Variants in PTPRD observed in about 807,000 individuals in gnomAD.
The protein encoded by PTPRD is protein tyrosine phosphatase receptor type D, also known as receptor-type tyrosine-protein phosphatase delta.
In PTPRD, 34 loss-of-function variants were observed where a neutral mutation model predicts 214.5. The observed-to-expected ratio is 0.16, with a 90% confidence interval of 0.12 to 0.21. PTPRD has a LOEUF of 0.21. PTPRD is among the 10% of genes least tolerant of loss of function. The pLI, the probability that PTPRD is intolerant of heterozygous loss-of-function variation, is 1.00. For missense variants in PTPRD, 2,545 were observed against 2,398.7 expected (o/e 1.06, Z -1.27); for synonymous variants, 1,128 against 845.7 (o/e 1.33, Z -5.79).
chr9:9,436,101 A>C (rs761189053), intron 8 of PTPRD, among the ~76,000 whole-genome samples: 2 of 152,144 alleles, frequency 1.3e-5, no homozygotes, highest in African/African-American at 4.8e-5. Flanking sequence ...CAAGGGAATA[A>C]ATATTCTGTA....
chr9:8,735,949 A>G (rs540121735), intron 11 of PTPRD, among the ~76,000 whole-genome samples: 1 of 152,232 alleles, frequency 6.6e-6, no homozygotes, highest in South Asian at 2.1e-4. Context: ...ACTTTAAAAA[A>G]AAATAGGTCA....
chr9:8,939,165 A>G (rs898022413), intron 11 of PTPRD, among the ~76,000 whole-genome samples: 1 of 152,142 alleles, frequency 6.6e-6, no homozygotes, highest in African/African-American at 2.4e-5. Context: ...CATGCTGATA[A>G]TTTAAGTCTA....
At chr9:9,483,000 C>G (rs567045003) in intron 8 of PTPRD, among the ~76,000 whole-genome samples, 1 of 152,114 alleles carries the variant, frequency 6.6e-6, no homozygotes. Context: ...GATTTTTCTT[C>G]TCCATCTTAA....
intron 9 of PTPRD, among the ~76,000 whole-genome samples, chr9:9,192,180 T>C (rs1321546674): frequency 2.0e-5 from 3 of 152,058 alleles, no homozygotes; most frequent in Non-Finnish European, 2.9e-5. Context: ...ACAGTGTCTG[T>C]TCAGTAAATC....
intron 5 of PTPRD, among the ~76,000 whole-genome samples, chr9:9,772,126 T>C (rs1345873958): frequency 2.0e-5 from 3 of 152,064 alleles, no homozygotes; most frequent in African/African-American, 7.2e-5. Flanking sequence ...ATGCCATTAG[T>C]TTGAGCCCTA....
chr9:8,840,407 C>T (rs900656365), intron 11 of PTPRD, among the ~76,000 whole-genome samples: 2 of 152,218 alleles, frequency 1.3e-5, no homozygotes, highest in African/African-American at 2.4e-5. Context: ...CTTGCTCCTC[C>T]TTGCCTTCTG....
At chr9:9,690,363 C>T (rs1449281590) in intron 7 of PTPRD, among the ~76,000 whole-genome samples, 1 of 151,724 alleles carries the variant, frequency 6.6e-6, no homozygotes, top group Non-Finnish European at 1.5e-5. Context: ...TGTCTGAAGT[C>T]CTTATATTCT....
At chr9:8,993,207 C>T (rs1469509447) in intron 11 of PTPRD, among the ~76,000 whole-genome samples, 2 of 152,136 alleles carry the variant, frequency 1.3e-5, no homozygotes, top group African/African-American at 4.8e-5. Flanking sequence ...GAACCTGGCT[C>T]TAAGGTTAGA....
rs188831838 is a variant in PTPRD, at chr9:10,108,078, T to A, written c.-544-74288A>T. ...TTAGGATGGATGTTGTGGGAATAAG[T>A]GACATCTGTGGGTGTCCAATCAACC... On this transcript the variant is annotated intron_variant, in intron 3 of 45. Coordinates refer to ENST00000381196, the MANE Select transcript of PTPRD (RefSeq NM_002839.4). Among the ~76,000 whole-genome samples, 453 of 152,222 alleles carry A rather than the reference T, an allele frequency of 3.0e-3. 2 individuals carry two copies. Among genetic ancestry groups the A allele is most frequent in the African/African-American group, 0.01 (423 of 41,572 alleles).
At chr9:10,466,422 G>A (rs1463174522) in intron 2 of PTPRD, among the ~76,000 whole-genome samples, 11 of 151,822 alleles carry the variant, frequency 7.2e-5, no homozygotes, top group South Asian at 2.1e-4. Flanking sequence ...TCGGGAGTTC[G>A]AGACCAGCCT....
intron 9 of PTPRD, among the ~76,000 whole-genome samples, chr9:9,284,997 C>T (rs181971769): frequency 6.6e-6 from 1 of 151,826 alleles, no homozygotes; most frequent in African/African-American, 2.4e-5. Context: ...AATATGATTG[C>T]TATTATCCTT....
intron 9 of PTPRD, among the ~76,000 whole-genome samples, chr9:9,269,266 CATCA>C (rs1371340738): frequency 6.6e-6 from 1 of 151,266 alleles, no homozygotes; most frequent in Non-Finnish European, 1.5e-5. Context: ...TGCTCAACAT[CATCA>C]ATCATCGGAA....
At chr9:9,082,280 C>G (rs969725659) in intron 10 of PTPRD, among the ~76,000 whole-genome samples, 2 of 152,122 alleles carry the variant, frequency 1.3e-5, no homozygotes, top group African/African-American at 4.8e-5. Flanking sequence ...AGCTTCATCC[C>G]TGGGACACAA....
intron 9 of PTPRD, among the ~76,000 whole-genome samples, chr9:9,293,547 A>G (rs1240826649): frequency 6.6e-6 from 1 of 151,556 alleles, no homozygotes; most frequent in Non-Finnish European, 1.5e-5. Context: ...TAGAAACCAC[A>G]TATGAAAGTT....
intron 5 of PTPRD, among the ~76,000 whole-genome samples, chr9:9,841,268 T>A (rs140670771): frequency 6.6e-6 from 1 of 152,140 alleles, no homozygotes; most frequent in Non-Finnish European, 1.5e-5. Context: ...ATAAGTATAA[T>A]ACACACACAA....
At chr9:8,753,651 A>T (rs2093725598) in intron 11 of PTPRD, among the ~76,000 whole-genome samples, 3 of 152,236 alleles carry the variant, frequency 2.0e-5, no homozygotes, top group Admixed American at 2.0e-4. Flanking sequence ...TAAATACAAG[A>T]TCAATATAAG....
At chr9:9,841,154 A>T (rs983513440) in intron 5 of PTPRD, among the ~76,000 whole-genome samples, 2 of 152,198 alleles carry the variant, frequency 1.3e-5, no homozygotes, top group Admixed American at 6.6e-5. Context: ...ACCAGTAAAA[A>T]TATCTAAATT....
chr9:10,332,236 T>C (rs776656165), intron 3 of PTPRD, among the ~76,000 whole-genome samples: 3 of 151,856 alleles, frequency 2.0e-5, no homozygotes, highest in Non-Finnish European at 4.4e-5. Context: ...GAAGTTAATA[T>C]ACCATAAATA....
intron 31 of PTPRD, among the ~76,000 whole-genome samples, chr9:8,469,132 T>A (rs569290965): frequency 1.3e-5 from 2 of 151,994 alleles, no homozygotes; most frequent in African/African-American, 4.8e-5. Context: ...GCACCACAAC[T>A]TGGATGATTA....
Sources: allele counts gnomAD v4.1 joint callset (sites outside exome capture counted in the v4.1 genomes callset), GRCh38; gene constraint gnomAD v4.1.1; transcripts MANE v1.5; gene names NCBI Gene and HGNC (gene_info 2026-07-23, HGNC 2026-07-21).